The following SDK1 variants were observed in gnomAD, a reference collection of about 807,000 sequenced individuals.
SDK1 encodes sidekick cell adhesion molecule 1.
A neutral mutation model predicts 245.5 loss-of-function variants in SDK1; 157 were observed. That is an observed-to-expected ratio of 0.64 (90% CI 0.56 to 0.73). SDK1 has a LOEUF of 0.73. SDK1 is among the 30% of genes least tolerant of loss of function. SDK1 has a pLI of 0.00. For missense variants in SDK1, 3,583 were observed against 3,002.3 expected (o/e 1.19, Z -4.52); for synonymous variants, 1,647 against 1,278.5 (o/e 1.29, Z -6.15).
At chr7:3,332,281 A>G (rs1187863463) in intron 1 of SDK1, among the ~76,000 whole-genome samples, 1 of 152,136 alleles carries the variant, frequency 6.6e-6, no homozygotes, top group African/African-American at 2.4e-5. Flanking sequence ...TGGCTTACTT[A>G]TAAGTGTGAC....
chr7:3,600,619 A>T (rs900009151), intron 1 of SDK1, among the ~76,000 whole-genome samples: 1 of 147,744 alleles, frequency 6.8e-6, no homozygotes, highest in South Asian at 2.2e-4. Context: ...CAGCGGCGCA[A>T]TCTTGGCTTA....
At chr7:3,901,000 G>A (rs958771944) in intron 5 of SDK1, among the ~76,000 whole-genome samples, 4 of 151,874 alleles carry the variant, frequency 2.6e-5, no homozygotes, top group African/African-American at 7.2e-5. Flanking sequence ...GTCCAATTAA[G>A]GATTATTTAC....
chr7:3,814,433 C>T (rs1373874454), intron 4 of SDK1, among the ~76,000 whole-genome samples: 17 of 151,150 alleles, frequency 1.1e-4, no homozygotes, highest in East Asian at 9.7e-4. Flanking sequence ...AGGTATGCGG[C>T]GTTATTTCTG....
chr7:4,040,273 C>T (rs1788525263), intron 17 of SDK1, among the ~76,000 whole-genome samples: 1 of 152,198 alleles, frequency 6.6e-6, no homozygotes, highest in Non-Finnish European at 1.5e-5. Flanking sequence ...CCCTGCTCCT[C>T]TGCCTGAGCA....
chr7:3,376,379 C>T (rs1447098287), intron 1 of SDK1, among the ~76,000 whole-genome samples: 1 of 152,002 alleles, frequency 6.6e-6, no homozygotes, highest in Admixed American at 6.6e-5. Flanking sequence ...GAAAGATAAA[C>T]CACCAATTAG....
chr7:3,349,771 T>C (rs988776721), intron 1 of SDK1, among the ~76,000 whole-genome samples: 4 of 151,998 alleles, frequency 2.6e-5, no homozygotes, highest in Non-Finnish European at 5.9e-5. Context: ...GGTTAATTTT[T>C]TTTTGTATTT....
chr7:4,124,404 C>T (rs914270369), intron 25 of SDK1, among the ~76,000 whole-genome samples: 36 of 152,286 alleles, frequency 2.4e-4, no homozygotes, highest in African/African-American at 7.7e-4. Flanking sequence ...AGCCTCTCTC[C>T]CATGTCCCCA....
chr7:4,242,174 G>A (rs764530785), intron 43 of SDK1, among the ~76,000 whole-genome samples: 1 of 152,158 alleles, frequency 6.6e-6, no homozygotes, highest in Non-Finnish European at 1.5e-5. Flanking sequence ...GAAGGGCCTG[G>A]AACACCCAGG....
intron 1 of SDK1, among the ~76,000 whole-genome samples, chr7:3,352,437 A>C (rs1370513640): frequency 6.6e-6 from 1 of 152,112 alleles, no homozygotes; most frequent in Admixed American, 6.5e-5. Flanking sequence ...CCACGACGAG[A>C]GATCTGTGGA....
At chr7:4,090,782 T>C (rs1320986422) in intron 22 of SDK1, among the ~76,000 whole-genome samples, 2 of 152,148 alleles carry the variant, frequency 1.3e-5, no homozygotes, top group Non-Finnish European at 2.9e-5. Flanking sequence ...AGCTAGGAAA[T>C]GTACATATAT....
chr7:3,864,010 T>C (rs1562498807), intron 5 of SDK1, among the ~76,000 whole-genome samples: 2 of 152,224 alleles, frequency 1.3e-5, no homozygotes, highest in African/African-American at 2.4e-5. Flanking sequence ...CACATCATAC[T>C]GTTTTCCACA....
intron 1 of SDK1, among the ~76,000 whole-genome samples, chr7:3,531,205 T>C (rs568746585): frequency 6.6e-6 from 1 of 152,320 alleles, no homozygotes; most frequent in East Asian, 1.9e-4. Flanking sequence ...TGTGGAACTT[T>C]TGATAAGTTC....
chr7:3,671,153 A>G (rs1478789227), intron 4 of SDK1, among the ~76,000 whole-genome samples: 2 of 152,278 alleles, frequency 1.3e-5, no homozygotes, highest in Non-Finnish European at 2.9e-5. Flanking sequence ...ATTACTCAGT[A>G]TATTTAGAGG....
intron 4 of SDK1, among the ~76,000 whole-genome samples, chr7:3,779,909 G>A (rs910767893): frequency 7.4e-5 from 11 of 148,936 alleles, no homozygotes; most frequent in East Asian, 2.0e-4. Flanking sequence ...TCCGCAGTCC[G>A]GCCTGGGCGA....
At chr7:3,364,339 G>A (rs1197877608) in intron 1 of SDK1, among the ~76,000 whole-genome samples, 2 of 152,110 alleles carry the variant, frequency 1.3e-5, no homozygotes, top group Non-Finnish European at 1.5e-5. Context: ...TTTTGCTGTC[G>A]AGACTAAGAA....
chr7:3,983,181 C>G (rs544109893), intron 13 of SDK1, among the ~76,000 whole-genome samples: 1 of 152,330 alleles, frequency 6.6e-6, no homozygotes, highest in Non-Finnish European at 1.5e-5. Context: ...TAGAATATTG[C>G]ATGAACTTAG....
intron 4 of SDK1, among the ~76,000 whole-genome samples, chr7:3,795,328 C>G (rs184159669): frequency 6.6e-6 from 1 of 152,064 alleles, no homozygotes; most frequent in South Asian, 2.1e-4. Flanking sequence ...GCATGGCAGG[C>G]CCCACGAGAC....
chr7:3,993,434 A>G (rs1784489568), intron 14 of SDK1, among the ~76,000 whole-genome samples: 1 of 152,202 alleles, frequency 6.6e-6, no homozygotes, highest in Admixed American at 6.5e-5. Flanking sequence ...TTAAACATTC[A>G]GAATCCTTCA....
At position 3,316,920 on chromosome 7, in the gene SDK1, C is replaced by G. The variant is rs574202472; in HGVS notation, c.298+15036C>G. Among the ~76,000 whole-genome samples, 16 of 152,044 alleles carry G rather than the reference C, an allele frequency of 1.1e-4. No individual in the cohort carries two copies. In the East Asian group the frequency reaches 2.9e-3, roughly 28 times the overall value. ...GGGGTCTGGGTACTGTGGCTCATGC[C>G]TATAATTTTGGCATTTTGGGAGGCT... On this transcript the variant is annotated intron_variant, in intron 1 of 44. Coordinates refer to ENST00000404826, the MANE Select transcript of SDK1 (RefSeq NM_152744.4).
Sources: gnomAD v4.1 joint callset for allele counts (sites outside exome capture counted in the v4.1 genomes callset) on GRCh38, gnomAD v4.1.1 for gene constraint, MANE v1.5 for transcripts, NCBI Gene and HGNC (gene_info 2026-07-23, HGNC 2026-07-21) for gene names.